The following SLIT1 variants were observed in gnomAD, a reference collection of about 807,000 sequenced individuals.
SLIT1 encodes the protein slit guidance ligand 1.
In SLIT1, 66 loss-of-function variants were observed where a neutral mutation model predicts 186.1. The ratio of observed to expected loss-of-function variants is 0.35; its 90% confidence interval spans 0.29 to 0.44. The LOEUF (loss-of-function observed/expected upper bound fraction) is 0.44. SLIT1 is among the 20% of genes least tolerant of loss of function. The probability of loss-of-function intolerance (pLI) is 1.00; values close to 1 mark genes in which losing one functional copy is unlikely to be tolerated. For synonymous variants in SLIT1, 761 were observed against 833.8 expected (o/e 0.91, Z 1.50); for missense variants, 1,638 against 2,037.4 (o/e 0.80, Z 3.77).
rs944821748 is a variant in SLIT1 at position 97,006,405 on chromosome 10, T to A, written c.3579+78A>T. ...CAGTTCCCCAGGCACCATGCAGGGATGTATCCTGATGCTCTGGCCTAAGCC... is the reference window on the plus strand; with the variant it reads ...CAGTTCCCCAGGCACCATGCAGGGAAGTATCCTGATGCTCTGGCCTAAGCC... On this transcript the variant is annotated intron_variant, in intron 32 of 36. Coordinates refer to ENST00000266058, the MANE Select transcript of SLIT1 (RefSeq NM_003061.3). The surrounding 1 kb of genome is among the most constrained non-coding windows in gnomAD (Gnocchi z 4.0). 3 of 951,410 alleles carry A rather than the reference T, an allele frequency of 3.2e-6. No individual in the cohort carries two copies. Among genetic ancestry groups the A allele is most frequent in the Non-Finnish European group, 5.0e-6 (3 of 596,004 alleles). The allele number at this position is 951,410 out of a possible 1,614,324, so 58.9% of individuals were successfully genotyped here.
At chr10:97,076,450 C>T (rs944432901) in intron 4 of SLIT1, among the ~76,000 whole-genome samples, 1 of 152,142 alleles carries the variant, frequency 6.6e-6, no homozygotes, top group Non-Finnish European at 1.5e-5. Flanking sequence ...TTTGTCTCTG[C>T]CGGTTCTTCA....
chr10:97,180,272 T>C (rs1213592817), intron 1 of SLIT1, among the ~76,000 whole-genome samples: 2 of 152,250 alleles, frequency 1.3e-5, no homozygotes, highest in Non-Finnish European at 2.9e-5. Flanking sequence ...ACTCGCTGTC[T>C]GCCAGGCCCT....
chr10:97,096,946 G>A (rs1038474858), intron 4 of SLIT1, among the ~76,000 whole-genome samples: 1 of 152,182 alleles, frequency 6.6e-6, no homozygotes, highest in African/African-American at 2.4e-5. Flanking sequence ...CGCCCAACCA[G>A]CTGTCTGCCA....
chr10:97,034,437 C>CG, intron 23 of SLIT1, 34 bp downstream of exon 23: 1 of 1,566,916 alleles, frequency 6.4e-7, no homozygotes, highest in African/African-American at 1.3e-5. Context: ...GCCATGGCCC[C>CG]GGGGCCCCCC....
At chr10:97,160,719 G>T (rs1182156768) in intron 3 of SLIT1, among the ~76,000 whole-genome samples, 1 of 152,106 alleles carries the variant, frequency 6.6e-6, no homozygotes, top group African/African-American at 2.4e-5. Context: ...TGTTGTTATT[G>T]TTGTTGTTTT....
chr10:97,075,940 TG>T (rs1171902249), intron 4 of SLIT1, among the ~76,000 whole-genome samples: 2 of 152,132 alleles, frequency 1.3e-5, no homozygotes, highest in African/African-American at 4.8e-5. Context: ...TCCTATTCTT[TG>T]GGGGCTGAGG....
chr10:97,089,292 G>A (rs972999266), intron 4 of SLIT1, among the ~76,000 whole-genome samples: 3 of 152,260 alleles, frequency 2.0e-5, no homozygotes, highest in South Asian at 2.1e-4. Flanking sequence ...AGCCCCCCAC[G>A]ACTGGGGGTG....
chr10:97,105,553 T>G (rs1049164749), intron 4 of SLIT1, among the ~76,000 whole-genome samples: 1 of 152,180 alleles, frequency 6.6e-6, no homozygotes, highest in Non-Finnish European at 1.5e-5. Context: ...CATCCCTGTC[T>G]TTACAGAAAA....
chr10:97,088,746 G>C (rs146251354), intron 4 of SLIT1, among the ~76,000 whole-genome samples: 1 of 152,158 alleles, frequency 6.6e-6, no homozygotes, highest in Non-Finnish European at 1.5e-5. Flanking sequence ...TGAGTGAGGG[G>C]AGCACCTTCA....
chr10:97,016,899 C>G (rs1848458875), intron 28 of SLIT1, among the ~76,000 whole-genome samples: 2 of 152,108 alleles, frequency 1.3e-5, no homozygotes, highest in Admixed American at 1.3e-4. Flanking sequence ...CTGGAGGGGA[C>G]CAGCAGCAGG....
chr10:97,055,978 A>C (rs1463341711), intron 13 of SLIT1, among the ~76,000 whole-genome samples: 1 of 152,204 alleles, frequency 6.6e-6, no homozygotes, highest in Non-Finnish European at 1.5e-5. Context: ...CATCAATATT[A>C]TTGTTAGCTA....
intron 2 of SLIT1, 139 bp from the exon 3 acceptor site, chr10:97,163,590 C>T: frequency 1.3e-6 from 1 of 744,150 alleles, no homozygotes; most frequent in Non-Finnish European, 2.4e-6. Context: ...ATGCCCAAGC[C>T]TCACACAGGC....
At chr10:97,145,255 C>A (rs1849804785) in intron 4 of SLIT1, among the ~76,000 whole-genome samples, 1 of 152,054 alleles carries the variant, frequency 6.6e-6, no homozygotes, top group East Asian at 1.9e-4. Flanking sequence ...GTAGCTAGGA[C>A]TACAGGCGCC....
At chr10:97,035,121 C>CTCTCT (rs1285594148) in intron 22 of SLIT1, among the ~76,000 whole-genome samples, 1 of 86,500 alleles carries the variant, frequency 1.2e-5, no homozygotes, top group Non-Finnish European at 2.3e-5. Flanking sequence ...CACAACTGAT[C>CTCTCT]TCTCTTCTCT....
intron 1 of SLIT1, among the ~76,000 whole-genome samples, chr10:97,175,447 T>C (rs1304746608): frequency 1.3e-5 from 2 of 152,176 alleles, no homozygotes; most frequent in African/African-American, 4.8e-5. Context: ...GATTCTACTG[T>C]TGATTTTTTG....
chr10:96,998,920 GC>G lies in SLIT1; in HGVS notation c.*2191del, dbSNP rs1272807182. 4.6e-5 allele frequency: 7 copies of G among 152,328 alleles called. No individual in the cohort carries two copies. Among genetic ancestry groups the G allele is most frequent in the Admixed American group, 1.3e-4 (2 of 15,288 alleles). 9.4% of individuals were successfully genotyped at this position (152,328 alleles called of 1,614,324 possible). ...CTCCTGCAGAATGAAGAGGCCTCCT[GC>G]CAGCCAGTGCCCTTCAAGCCTGGGA... On this transcript the variant is annotated 3_prime_UTR_variant, in exon 37 of 37. Coordinates refer to ENST00000266058, the MANE Select transcript of SLIT1 (RefSeq NM_003061.3).
At chr10:97,035,753 C>G (rs1257955120) in intron 22 of SLIT1, among the ~76,000 whole-genome samples, 1 of 152,172 alleles carries the variant, frequency 6.6e-6, no homozygotes, top group African/African-American at 2.4e-5. Context: ...CTGGGTCTAG[C>G]CCCTGCCCCT....
At chr10:97,128,307 G>A (rs960886092) in intron 4 of SLIT1, among the ~76,000 whole-genome samples, 1 of 152,220 alleles carries the variant, frequency 6.6e-6, no homozygotes, top group African/African-American at 2.4e-5. Flanking sequence ...TTGAACAAAT[G>A]TGGGTAATCA....
chr10:97,141,125 G>A (rs2817652), intron 4 of SLIT1, among the ~76,000 whole-genome samples: 113,931 of 151,986 alleles, frequency 0.75, 44,003 homozygotes, highest in South Asian at 0.9. Context: ...GGCTCCCGAC[G>A]ACAGCTCCAG....
Sources: gnomAD v4.1 joint callset for allele counts (sites outside exome capture counted in the v4.1 genomes callset) on GRCh38, gnomAD v4.1.1 for gene constraint, Gnocchi (gnomAD v3.1) non-coding constraint, MANE v1.5 for transcripts, NCBI Gene and HGNC (gene_info 2026-07-23, HGNC 2026-07-21) for gene names.